The following CYP7B1 variants were observed in gnomAD, a reference collection of about 807,000 sequenced individuals.
CYP7B1 encodes the protein cytochrome P450 7B1.
CYP7B1 carries 29 observed loss-of-function variants against 42.7 expected under a neutral mutation model. That is an observed-to-expected ratio of 0.68 (90% CI 0.51 to 0.93). The LOEUF (loss-of-function observed/expected upper bound fraction) is 0.93, where lower values mean the gene tolerates loss of function less well. Among genes scored for constraint, CYP7B1 ranks in the 40% least tolerant of loss-of-function variants. CYP7B1 has a pLI of 0.00. For missense variants in CYP7B1, 655 were observed against 600.5 expected (o/e 1.09, Z -0.95); for synonymous variants, 235 against 218.2 (o/e 1.08, Z -0.68).
rs370982699 is a variant in CYP7B1 at position 64,691,487 on chromosome 8, G to C, written c.123-66948C>G. Among the ~76,000 whole-genome samples the C allele has an allele frequency of 8.0e-5, 12 of 149,302 alleles. 3 individuals carry two copies. Among genetic ancestry groups the C allele is most frequent in the East Asian group, 7.9e-4 (4 of 5,074 alleles). On this transcript the variant is annotated intron_variant, in intron 1 of 5. Transcript: ENST00000310193. ...CGTATGGTTGCGATGGCAACTGGGG[G>C]GGGGGGGTGGTGGTTAAAGCTGGAA...
chr8:64,794,899 C>A (rs1316997021), intron 1 of CYP7B1, among the ~76,000 whole-genome samples: 1 of 151,846 alleles, frequency 6.6e-6, no homozygotes, highest in Admixed American at 6.6e-5. Flanking sequence ...AGGAAAAAAA[C>A]AAAATCCAAA....
intron 1 of CYP7B1, among the ~76,000 whole-genome samples, chr8:64,698,564 C>T (rs1806866769): frequency 1.3e-5 from 2 of 152,100 alleles, no homozygotes; most frequent in Admixed American, 1.3e-4. Context: ...TGAGTGAATA[C>T]AGACACAAAA....
At chr8:64,610,438 T>G (rs1483175064) in intron 4 of CYP7B1, among the ~76,000 whole-genome samples, 2 of 152,188 alleles carry the variant, frequency 1.3e-5, no homozygotes, top group African/African-American at 2.4e-5. Flanking sequence ...ACTTCACTAC[T>G]GTCTGAATTA....
intron 1 of CYP7B1, among the ~76,000 whole-genome samples, chr8:64,682,620 C>A (rs1033189204): frequency 8.5e-5 from 13 of 152,164 alleles, no homozygotes; most frequent in African/African-American, 3.1e-4. Context: ...TGTCTGTGTT[C>A]CCCACCTTTC....
intron 1 of CYP7B1, among the ~76,000 whole-genome samples, chr8:64,649,289 T>C (rs1338085686): frequency 6.6e-6 from 1 of 152,262 alleles, no homozygotes; most frequent in Non-Finnish European, 1.5e-5. Context: ...AGATACATCA[T>C]ATGTGTGAAA....
chr8:64,660,589 TCAAGTGAGTGATCCTACAGAG>T (rs1439879071), intron 1 of CYP7B1, among the ~76,000 whole-genome samples: 1 of 152,190 alleles, frequency 6.6e-6, no homozygotes, highest in Non-Finnish European at 1.5e-5. Flanking sequence ...CTGGCTTCCT[TCAAGTGAGTGATCCTACAGAG>T]CAAGAGTGAG....
At chr8:64,653,944 T>C (rs1356086577) in intron 1 of CYP7B1, among the ~76,000 whole-genome samples, 3 of 152,096 alleles carry the variant, frequency 2.0e-5, no homozygotes, top group Non-Finnish European at 4.4e-5. Flanking sequence ...AACACCCTTA[T>C]ATTAAAAGTA....
intron 1 of CYP7B1, among the ~76,000 whole-genome samples, chr8:64,686,471 G>A (rs1251319428): frequency 4.5e-5 from 2 of 44,416 alleles, no homozygotes; most frequent in Admixed American, 1.8e-4. Flanking sequence ...TCAGCCCCCC[G>A]CCCGGCCAGC....
intron 1 of CYP7B1, among the ~76,000 whole-genome samples, chr8:64,651,822 A>T (rs1404864465): frequency 6.6e-6 from 1 of 152,206 alleles, no homozygotes; most frequent in Non-Finnish European, 1.5e-5. Flanking sequence ...GAACTAAGAG[A>T]AATAAATTTG....
intron 1 of CYP7B1, among the ~76,000 whole-genome samples, chr8:64,689,864 G>A (rs1442897333): frequency 1.3e-5 from 2 of 152,044 alleles, no homozygotes; most frequent in Non-Finnish European, 2.9e-5. Context: ...GACCACGCCC[G>A]GCCTGCTTCT....
intron 1 of CYP7B1, among the ~76,000 whole-genome samples, chr8:64,703,232 A>AT (rs1416963642): frequency 6.6e-6 from 1 of 151,994 alleles, no homozygotes; most frequent in African/African-American, 2.4e-5. Flanking sequence ...GTAAGGATGC[A>AT]TTTTTAAACA....
chr8:64,665,396 A>T (rs1398424482), intron 1 of CYP7B1, among the ~76,000 whole-genome samples: 6 of 152,086 alleles, frequency 3.9e-5, no homozygotes, highest in Non-Finnish European at 7.4e-5. Context: ...AAAGGGTAGG[A>T]ACTTAAAAGG....
downstream of CYP7B1, among the ~76,000 whole-genome samples, chr8:64,590,679 T>C (rs1469949896): frequency 6.6e-6 from 1 of 152,204 alleles, no homozygotes; most frequent in Admixed American, 6.5e-5. Context: ...ATAGTTAATA[T>C]ACTTTCAGGA....
At chr8:64,768,548 A>T (rs1804151547) in intron 1 of CYP7B1, among the ~76,000 whole-genome samples, 1 of 152,206 alleles carries the variant, frequency 6.6e-6, no homozygotes, top group South Asian at 2.1e-4. Flanking sequence ...TCATCGAGTT[A>T]TTCACATATG....
intron 1 of CYP7B1, among the ~76,000 whole-genome samples, chr8:64,699,734 GCATT>G (rs1806884096): frequency 6.6e-6 from 1 of 151,870 alleles, no homozygotes; most frequent in South Asian, 2.1e-4. Flanking sequence ...AAAATAGCTA[GCATT>G]ATTTTAATTT....
intron 5 of CYP7B1, among the ~76,000 whole-genome samples, chr8:64,602,937 A>AT (rs944229198): frequency 7.2e-5 from 11 of 152,016 alleles, no homozygotes; most frequent in African/African-American, 1.7e-4. Context: ...GAGCTATATC[A>AT]TTTTTTTTCT....
chr8:64,722,902 T>C (rs1807267735), intron 1 of CYP7B1, among the ~76,000 whole-genome samples: 1 of 152,084 alleles, frequency 6.6e-6, no homozygotes, highest in African/African-American at 2.4e-5. Context: ...GAAACTGCAA[T>C]TGAGCGGAAG....
chr8:64,780,899 C>A (rs551490499), intron 1 of CYP7B1, among the ~76,000 whole-genome samples: 5 of 152,040 alleles, frequency 3.3e-5, no homozygotes, highest in Non-Finnish European at 7.4e-5. Context: ...AGGTATGCAC[C>A]GGGTTTGGGC....
At chr8:64,717,857 G>GT (rs11385332) in intron 1 of CYP7B1, among the ~76,000 whole-genome samples, 27,538 of 140,498 alleles carry the variant, frequency 0.2, 2,696 homozygotes, top group African/African-American at 0.25. Flanking sequence ...CAAAAAATAA[G>GT]TTTTTTTTTT....
Sources: allele counts gnomAD v4.1 joint callset (sites outside exome capture counted in the v4.1 genomes callset), GRCh38; gene constraint gnomAD v4.1.1; transcripts MANE v1.5; gene names NCBI Gene and HGNC (gene_info 2026-07-23, HGNC 2026-07-21).